MAGI1: variants seen among roughly 807,000 people sequenced by gnomAD.
MAGI1 encodes the protein membrane associated guanylate kinase, WW and PDZ domain containing 1.
In MAGI1, 58 loss-of-function variants were observed where a neutral mutation model predicts 139.9. The observed-to-expected ratio is 0.41, with a 90% CI of 0.34 to 0.52. The LOEUF is 0.52. MAGI1 is among the 20% of genes least tolerant of loss of function. The probability of loss-of-function intolerance (pLI) is 0.12; values close to 1 mark genes in which losing one functional copy is unlikely to be tolerated. For missense variants in MAGI1, 1,874 were observed against 1,901.6 expected, an observed-to-expected ratio of 0.99 and a Z score of 0.27; for synonymous variants, 812 against 737.9, an observed-to-expected ratio of 1.10 and a Z score of -1.63.
At chr3:65,924,363 C>T (rs1031028301) in intron 1 of MAGI1, among the ~76,000 whole-genome samples, 3 of 152,298 alleles carry the variant, frequency 2.0e-5, no homozygotes, top group Admixed American at 6.5e-5. Flanking sequence ...ATTGCATCTC[C>T]CTCCCCAGAA....
chr3:65,759,531 T>C (rs1191399959), intron 1 of MAGI1, among the ~76,000 whole-genome samples: 2 of 152,062 alleles, frequency 1.3e-5, no homozygotes, highest in African/African-American at 4.8e-5. Flanking sequence ...AAACCCAACA[T>C]ACAAAAAAAG....
At chr3:65,737,353 G>C (rs141188854) in intron 1 of MAGI1, among the ~76,000 whole-genome samples, 17 of 152,296 alleles carry the variant, frequency 1.1e-4, no homozygotes, top group African/African-American at 3.4e-4. Context: ...GGACGGACGG[G>C]TGGATGGATG....
At chr3:65,474,009 T>G (rs79974071) in intron 4 of MAGI1, among the ~76,000 whole-genome samples, 1 of 152,178 alleles carries the variant, frequency 6.6e-6, no homozygotes, top group Admixed American at 6.5e-5. Context: ...CATGTGCCTG[T>G]AATCCTAGCT....
At chr3:65,509,620 A>C (rs2077474916) in intron 2 of MAGI1, among the ~76,000 whole-genome samples, 1 of 152,220 alleles carries the variant, frequency 6.6e-6, no homozygotes, top group African/African-American at 2.4e-5. Flanking sequence ...GCGAACCACG[A>C]GATTATATCC....
intron 1 of MAGI1, among the ~76,000 whole-genome samples, chr3:65,682,375 A>G (rs2087652794): frequency 1.3e-5 from 2 of 152,310 alleles, no homozygotes; most frequent in Non-Finnish European, 1.5e-5. Flanking sequence ...AGAGACCTAG[A>G]TCAAGGGAAG....
In MAGI1 at chr3:65,861,534, A is replaced by G. The variant is rs985021964; in HGVS notation, c.313+176462T>C. Among the ~76,000 whole-genome samples, 4 of 152,214 alleles carry G rather than the reference A, an allele frequency of 2.6e-5. No homozygotes were observed. The East Asian group carries it at 7.7e-4, about 29-fold the overall frequency. On this transcript the variant is annotated intron_variant, in intron 1 of 22. Transcript: ENST00000402939. ...AACCACTGAAACTGGGTATGTTAGT[A>G]CTGTAATAGGGAAAATAGACTCCAG...
chr3:65,881,379 C>G (rs77591331), intron 1 of MAGI1, among the ~76,000 whole-genome samples: 3,973 of 152,232 alleles, frequency 0.026, 143 homozygotes, highest in East Asian at 0.075. Flanking sequence ...GTAATCCCAG[C>G]ACTTTGGGGG....
chr3:65,549,882 C>G (rs2079738251), intron 2 of MAGI1, among the ~76,000 whole-genome samples: 1 of 152,060 alleles, frequency 6.6e-6, no homozygotes, highest in African/African-American at 2.4e-5. Context: ...AGGAAGAGAG[C>G]TGAACCTTTC....
chr3:66,038,415 A>C lies in MAGI1; in HGVS notation c.-107T>G, dbSNP rs550600182. The C allele has an allele frequency of 7.0e-7, 1 of 1,423,456 alleles. No homozygotes were observed. The highest frequency in any genetic ancestry group is 1.4e-5 in the African/African-American group (1 of 69,934). The allele number at this position is 1,423,456 out of a possible 1,614,324, so 88.2% of individuals were successfully genotyped here. On this transcript the variant is annotated 5_prime_UTR_variant, in exon 1 of 23. Transcript: ENST00000402939. Reference sequence around the variant, plus strand: ...TCATGGGAGAAACATCTCTCCCCAAATCACAAAACAGGAGAGAGAAACTTG... The same window carrying C: ...TCATGGGAGAAACATCTCTCCCCAACTCACAAAACAGGAGAGAGAAACTTG...
chr3:65,550,245 G>T (rs1011926323), intron 2 of MAGI1, among the ~76,000 whole-genome samples: 9 of 152,166 alleles, frequency 5.9e-5, no homozygotes, highest in Admixed American at 5.9e-4. Context: ...TTTTATTAAA[G>T]ATCAGAAAGA....
chr3:65,695,944 C>A (rs1011467693), intron 1 of MAGI1, among the ~76,000 whole-genome samples: 4 of 152,176 alleles, frequency 2.6e-5, no homozygotes, highest in African/African-American at 4.8e-5. Context: ...CTACCCTCCA[C>A]AAGCAGCCAG....
chr3:65,904,353 T>G (rs903904715), intron 1 of MAGI1, among the ~76,000 whole-genome samples: 3 of 152,144 alleles, frequency 2.0e-5, no homozygotes, highest in Admixed American at 6.5e-5. Context: ...CTACCACATC[T>G]TCAAAGAGAC....
At chr3:65,407,096 G>T (rs1447461926) in intron 12 of MAGI1, among the ~76,000 whole-genome samples, 1 of 152,056 alleles carries the variant, frequency 6.6e-6, no homozygotes, top group Admixed American at 6.5e-5. Flanking sequence ...GAAATAATCA[G>T]TCTTGCAAAA....
chr3:65,568,819 T>A (rs1375982486), intron 2 of MAGI1, among the ~76,000 whole-genome samples: 4 of 152,242 alleles, frequency 2.6e-5, no homozygotes, highest in African/African-American at 9.6e-5. Context: ...AAGAGGTCTG[T>A]CATTTTATTG....
intron 2 of MAGI1, among the ~76,000 whole-genome samples, chr3:65,578,450 A>G (rs2081272328): frequency 6.6e-6 from 1 of 152,202 alleles, no homozygotes; most frequent in African/African-American, 2.4e-5. Flanking sequence ...CAGGTTCCAA[A>G]TCTTGAAGTA....
At chr3:65,655,170 C>T (rs1200437450) in intron 1 of MAGI1, among the ~76,000 whole-genome samples, 1 of 152,024 alleles carries the variant, frequency 6.6e-6, no homozygotes, top group East Asian at 1.9e-4. Flanking sequence ...TTCAACTTCC[C>T]GGCCTTCTAG....
At chr3:65,905,834 TA>T (rs2061413690) in intron 1 of MAGI1, among the ~76,000 whole-genome samples, 1 of 152,166 alleles carries the variant, frequency 6.6e-6, no homozygotes, top group Non-Finnish European at 1.5e-5. Flanking sequence ...TACACAGTAG[TA>T]AATGACTACA....
intron 1 of MAGI1, among the ~76,000 whole-genome samples, chr3:65,636,057 A>T (rs2084597451): frequency 6.6e-6 from 1 of 152,216 alleles, no homozygotes; most frequent in Non-Finnish European, 1.5e-5. Context: ...CTCTCTTTAA[A>T]TAGTTTCAAA....
intron 2 of MAGI1, among the ~76,000 whole-genome samples, chr3:65,515,283 C>T (rs1344564623): frequency 6.6e-6 from 1 of 151,312 alleles, no homozygotes; most frequent in South Asian, 2.1e-4. Context: ...ACAATGTGCA[C>T]ATGTACCCTA....
Sources: gnomAD v4.1 joint callset for allele counts (sites outside exome capture counted in the v4.1 genomes callset) on GRCh38, gnomAD v4.1.1 for gene constraint, MANE v1.5 for transcripts, NCBI Gene and HGNC (gene_info 2026-07-23, HGNC 2026-07-21) for gene names.